The following ZFHX3 variants were observed in gnomAD, a reference collection of about 807,000 sequenced individuals.
ZFHX3 encodes zinc finger homeobox 3, also known as zinc finger homeobox protein 3.
Under a neutral mutation model 279.1 loss-of-function variants are expected in ZFHX3, and 42 were observed. The observed-to-expected ratio is 0.15, with a 90% CI of 0.12 to 0.19. ZFHX3 has a LOEUF of 0.19. Ranked by LOEUF, ZFHX3 falls within the 10% of genes least tolerant of loss-of-function variation. ZFHX3 has a pLI of 1.00. For synonymous variants in ZFHX3, 2,293 were observed against 1,957.8 expected, an observed-to-expected ratio of 1.17 and a Z score of -4.52; for missense variants, 4,981 against 4,754.0, an observed-to-expected ratio of 1.05 and a Z score of -1.40.
chr16:73,442,051 G>T (rs1300270896), intron 3 of ZFHX3, among the ~76,000 whole-genome samples: 3 of 152,152 alleles, frequency 2.0e-5, no homozygotes, highest in Non-Finnish European at 2.9e-5. Context: ...CCTGGGTCAG[G>T]CAGGCAGGCA....
At chr16:73,799,903 C>T (rs1431591236) in intron 1 of ZFHX3, among the ~76,000 whole-genome samples, 1 of 151,946 alleles carries the variant, frequency 6.6e-6, no homozygotes, top group Non-Finnish European at 1.5e-5. Flanking sequence ...ATAATAACAA[C>T]AACGACTTAA....
intron 2 of ZFHX3, among the ~76,000 whole-genome samples, chr16:73,624,642 G>GAAA (rs34274078): frequency 6.8e-6 from 1 of 146,266 alleles, no homozygotes; most frequent in African/African-American, 2.6e-5. Context: ...CTATCCCCCA[G>GAAA]AAAAAAAAAA....
chr16:73,007,331 A>G (rs1963745394), intron 1 of ZFHX3, among the ~76,000 whole-genome samples: 1 of 152,048 alleles, frequency 6.6e-6, no homozygotes, highest in Admixed American at 6.6e-5. Flanking sequence ...GGGATGCTTT[A>G]CCTCTTTTTC....
At chr16:73,335,463 A>G (rs2015894474) in intron 3 of ZFHX3, among the ~76,000 whole-genome samples, 1 of 152,174 alleles carries the variant, frequency 6.6e-6, no homozygotes, top group Admixed American at 6.5e-5. Context: ...CCGCTGCAGA[A>G]TATTTTTCTC....
At chr16:73,823,389 G>T (rs773998409) in intron 1 of ZFHX3, among the ~76,000 whole-genome samples, 1 of 152,086 alleles carries the variant, frequency 6.6e-6, no homozygotes, top group Non-Finnish European at 1.5e-5. Flanking sequence ...CATCCCTCAA[G>T]ACAGCATCAA....
chr16:73,096,826 G>T (rs1280057134), intron 7 of ZFHX3, among the ~76,000 whole-genome samples: 4 of 152,046 alleles, frequency 2.6e-5, no homozygotes, highest in East Asian at 1.9e-4. Context: ...GAGTAAGCTT[G>T]CCTTTAGAAC....
intron 1 of ZFHX3, among the ~76,000 whole-genome samples, chr16:73,682,976 AAG>A (rs1567550766): frequency 2.5e-5 from 1 of 39,458 alleles, no homozygotes; most frequent in Non-Finnish European, 5.1e-5. Flanking sequence ...GAAAGAAAGA[AAG>A]AAAGAAAGAA....
chr16:73,881,730 A>T (rs2030173320), intron 1 of ZFHX3, among the ~76,000 whole-genome samples: 1 of 151,992 alleles, frequency 6.6e-6, no homozygotes, highest in South Asian at 2.1e-4. Context: ...GAGATGGGAT[A>T]TATATGTGTG....
chr16:73,546,777 G>A (rs1320586349), intron 2 of ZFHX3, among the ~76,000 whole-genome samples: 2 of 151,130 alleles, frequency 1.3e-5, no homozygotes, highest in African/African-American at 4.9e-5. Context: ...TTTTAATCAG[G>A]CAGACATTTG....
intron 4 of ZFHX3, among the ~76,000 whole-genome samples, chr16:72,878,237 C>T (rs1465044978): frequency 1.3e-5 from 2 of 152,156 alleles, no homozygotes; most frequent in African/African-American, 4.8e-5. Flanking sequence ...ACCAAAAGTC[C>T]AGCTGACATC....
intron 5 of ZFHX3, among the ~76,000 whole-genome samples, chr16:73,234,258 C>T (rs2012873835): frequency 1.3e-5 from 2 of 152,138 alleles, no homozygotes; most frequent in South Asian, 4.1e-4. Context: ...CTATACAGAC[C>T]TGATCTGAAT....
chr16:73,798,875 C>T (rs575080488), intron 1 of ZFHX3, among the ~76,000 whole-genome samples: 7 of 152,258 alleles, frequency 4.6e-5, no homozygotes, highest in South Asian at 4.2e-4. Flanking sequence ...TTTTAGGACA[C>T]GAAAACCCTG....
At position 72,867,582 on chromosome 16, in the gene ZFHX3, T is replaced by C. The variant is rs139882680; in HGVS notation, c.3448+22149A>G. 2.0e-3 allele frequency among the ~76,000 whole-genome samples: 310 copies of C among 152,350 alleles called. 1 individual carries two copies. Among genetic ancestry groups the C allele is most frequent in the Admixed American group, 3.8e-3 (58 of 15,304 alleles). On this transcript the variant is annotated intron_variant, in intron 4 of 9. Coordinates refer to ENST00000268489, the MANE Select transcript of ZFHX3 (RefSeq NM_006885.4). The stretch of plus-strand genomic sequence containing the variant: ...TACCCATGAGCAAACTCTTCTTCCA[T>C]TTATTGTTGACACCAGTTTAAACAT...
intron 2 of ZFHX3, among the ~76,000 whole-genome samples, chr16:73,516,615 G>T (rs1274535591): frequency 1.3e-5 from 2 of 152,254 alleles, no homozygotes; most frequent in Middle Eastern, 3.4e-3. Context: ...TTTCATGTGA[G>T]AATTGAACCT....
intron 1 of ZFHX3, among the ~76,000 whole-genome samples, chr16:73,017,272 G>A (rs1366459876): frequency 1.3e-5 from 2 of 151,706 alleles, no homozygotes; most frequent in African/African-American, 2.4e-5. Flanking sequence ...CAAAGGCTGA[G>A]TGGGCAATTT....
chr16:73,809,662 G>A (rs1291763593), intron 1 of ZFHX3: 3 of 152,176 alleles, frequency 2.0e-5, no homozygotes, highest in Non-Finnish European at 4.4e-5. Flanking sequence ...TCTCTCTCAT[G>A]CAACTCACCC....
intron 3 of ZFHX3, among the ~76,000 whole-genome samples, chr16:73,403,392 C>T (rs1361024440): frequency 6.6e-6 from 1 of 152,152 alleles, no homozygotes; most frequent in African/African-American, 2.4e-5. Context: ...CTGGATGCAT[C>T]AACATTAGCC....
intron 3 of ZFHX3, among the ~76,000 whole-genome samples, chr16:73,430,967 C>G (rs768348443): frequency 1.8e-4 from 27 of 152,138 alleles, no homozygotes; most frequent in Non-Finnish European, 3.4e-4. Flanking sequence ...TGTGCCTGCT[C>G]TAGAACATAA....
intron 4 of ZFHX3, among the ~76,000 whole-genome samples, chr16:72,877,783 C>G (rs966965284): frequency 2.0e-5 from 3 of 152,214 alleles, no homozygotes; most frequent in Admixed American, 2.0e-4. Context: ...AACTCAGGCC[C>G]CTCCTCCTTG....
Sources: allele counts gnomAD v4.1 joint callset (sites outside exome capture counted in the v4.1 genomes callset), GRCh38; gene constraint gnomAD v4.1.1; transcripts MANE v1.5; gene names NCBI Gene and HGNC (gene_info 2026-07-23, HGNC 2026-07-21).